Variants in GABRA3 observed in about 807,000 individuals in gnomAD.
GABRA3 encodes the protein gamma-aminobutyric acid type A receptor subunit alpha3.
A neutral mutation model predicts 30.1 loss-of-function variants in GABRA3; 10 were observed. The observed-to-expected ratio is 0.33, with a 90% CI of 0.20 to 0.56. The LOEUF (loss-of-function observed/expected upper bound fraction) is 0.56, where lower values mean the gene tolerates loss of function less well. Among genes scored for constraint, GABRA3 ranks in the 20% least tolerant of loss-of-function variants. The probability of loss-of-function intolerance (pLI) is 0.89; values close to 1 mark genes in which losing one functional copy is unlikely to be tolerated. For missense variants in GABRA3, 233 were observed against 392.0 expected (o/e 0.59, Z 3.42); for synonymous variants, 151 against 146.8 (o/e 1.03, Z -0.21).
intron 4 of GABRA3, among the ~76,000 whole-genome samples, chrX:152,280,389 A>G (rs1423709699): frequency 9.0e-6 from 1 of 111,472 alleles, no homozygotes; most frequent in Non-Finnish European, 1.9e-5. Flanking sequence ...GACTGCCAGT[A>G]AGGGAGAGTT....
chrX:152,443,078 T>C (rs1020353777), intron 1 of GABRA3, among the ~76,000 whole-genome samples: 3 of 111,534 alleles, frequency 2.7e-5, no homozygotes, highest in Non-Finnish European at 3.8e-5. Flanking sequence ...AAAATGTAAG[T>C]GGGAGAATAT....
intron 3 of GABRA3, among the ~76,000 whole-genome samples, chrX:152,321,101 G>A (rs936108421): frequency 9.0e-6 from 1 of 111,635 alleles, no homozygotes; most frequent in Non-Finnish European, 1.9e-5. Context: ...TTAAGACATG[G>A]TTGAATAAAA....
intron 1 of GABRA3, among the ~76,000 whole-genome samples, chrX:152,436,895 G>A (rs916034283): frequency 1.8e-5 from 2 of 111,171 alleles, no homozygotes; most frequent in African/African-American, 3.3e-5. Flanking sequence ...GAAAAGACAA[G>A]CCACAGAAGG....
chrX:152,175,238 C>T (rs1195020122), intron 9 of GABRA3, among the ~76,000 whole-genome samples: 1 of 105,149 alleles, frequency 9.5e-6, no homozygotes, highest in East Asian at 2.9e-4. Flanking sequence ...ACCAATCCAT[C>T]AATAGCAATG....
intron 1 of GABRA3, chrX:152,392,439 C>T: frequency 3.6e-6 from 1 of 273,978 alleles, no homozygotes; most frequent in Non-Finnish European, 7.4e-6. Flanking sequence ...ATTTTTAGTA[C>T]AATGTAGACA....
intron 2 of GABRA3, among the ~76,000 whole-genome samples, chrX:152,351,446 A>C (rs1417646769): frequency 9.0e-6 from 1 of 111,308 alleles, no homozygotes; most frequent in East Asian, 2.8e-4. Context: ...TCATGAACCA[A>C]CCTCCACTAG....
At chrX:152,251,755 T>A (rs750069637) in intron 5 of GABRA3, among the ~76,000 whole-genome samples, 2 of 111,169 alleles carry the variant, frequency 1.8e-5, no homozygotes, top group Non-Finnish European at 3.8e-5. Context: ...TATAATTTAT[T>A]ACAAGCATGC....
intron 7 of GABRA3, among the ~76,000 whole-genome samples, chrX:152,199,313 C>T (rs1353851272): frequency 1.9e-5 from 2 of 104,063 alleles, no homozygotes; most frequent in East Asian, 5.9e-4. Flanking sequence ...TGGCAGTGAG[C>T]CAAGGTCGTG....
At chrX:152,343,182 G>GA (rs1433727778) in intron 3 of GABRA3, among the ~76,000 whole-genome samples, 1 of 110,964 alleles carries the variant, frequency 9.0e-6, no homozygotes, top group Non-Finnish European at 1.9e-5. Flanking sequence ...CTTCTCAACT[G>GA]AAACAGTCCA....
intron 1 of GABRA3, among the ~76,000 whole-genome samples, chrX:152,384,420 A>G (rs1399980646): frequency 1.8e-5 from 2 of 112,191 alleles, no homozygotes; most frequent in African/African-American, 6.5e-5. Flanking sequence ...GCCAGAAGAG[A>G]TAAACAAATG....
At chrX:152,308,591 C>T (rs767288295) in intron 3 of GABRA3, among the ~76,000 whole-genome samples, 43 of 111,915 alleles carry the variant, frequency 3.8e-4, no homozygotes, top group Non-Finnish European at 5.6e-4. Context: ...TGAATCCAAC[C>T]TATAGCACAG....
chrX:152,298,381 C>A (rs1158834861), intron 3 of GABRA3, among the ~76,000 whole-genome samples: 1 of 105,704 alleles, frequency 9.5e-6, no homozygotes, highest in Non-Finnish European at 1.9e-5. Flanking sequence ...CCCCTTCCCC[C>A]ACCCCACAAC....
chrX:152,328,302 C>G (rs763104588), intron 3 of GABRA3, among the ~76,000 whole-genome samples: 3 of 111,801 alleles, frequency 2.7e-5, no homozygotes, highest in Non-Finnish European at 3.8e-5. Context: ...CCTTCTGAAA[C>G]TATTCCAATC....
At chrX:152,447,993 G>C (rs1931130277) in intron 1 of GABRA3, among the ~76,000 whole-genome samples, 1 of 112,374 alleles carries the variant, frequency 8.9e-6, no homozygotes, top group African/African-American at 3.2e-5. Context: ...TATGTCTGTA[G>C]AATCTAATAA....
rs201043139 is a variant in GABRA3, at chrX:152,167,836, T to G, written c.*392A>C. On this transcript the variant is annotated 3_prime_UTR_variant, in exon 10 of 10. Transcript: ENST00000370314. ...GTAAGTTAGAGTCATCTGATCTAGATGGGAGTCAACAATTCTCCTTGTTCT... is the reference window on the plus strand; with the variant it reads ...GTAAGTTAGAGTCATCTGATCTAGAGGGGAGTCAACAATTCTCCTTGTTCT... 1.8e-5 allele frequency: 3 copies of G among 166,049 alleles called. No homozygotes were observed. Among genetic ancestry groups the G allele is most frequent in the Non-Finnish European group, 3.4e-5 (3 of 88,477 alleles). 13.7% of individuals were successfully genotyped at this position (166,049 alleles called of 1,213,427 possible).
intron 6 of GABRA3, among the ~76,000 whole-genome samples, chrX:152,216,489 G>A (rs1321358943): frequency 9.2e-6 from 1 of 108,404 alleles, no homozygotes; most frequent in African/African-American, 3.3e-5. Context: ...CCTATTATCT[G>A]TGGCAATGTG....
chrX:152,275,200 TTA>T (rs1204488210), intron 4 of GABRA3, among the ~76,000 whole-genome samples: 5 of 48,704 alleles, frequency 1.0e-4, no homozygotes, highest in African/African-American at 4.5e-4. Context: ...TATATATAAT[TTA>T]TATATATAAT....
At chrX:152,285,930 A>AATT (rs1939284439) in intron 3 of GABRA3, among the ~76,000 whole-genome samples, 1 of 107,431 alleles carries the variant, frequency 9.3e-6, no homozygotes, top group Non-Finnish European at 1.9e-5. Flanking sequence ...CTTATATACT[A>AATT]TATAGTACTT....
intron 4 of GABRA3, among the ~76,000 whole-genome samples, chrX:152,281,079 T>A (rs1939191231): frequency 9.0e-6 from 1 of 110,703 alleles, no homozygotes; most frequent in Non-Finnish European, 1.9e-5. Flanking sequence ...GGAAGCTAGG[T>A]CAGAAGGGAA....
Sources: allele counts gnomAD v4.1 joint callset (sites outside exome capture counted in the v4.1 genomes callset), GRCh38; gene constraint gnomAD v4.1.1; transcripts MANE v1.5; gene names NCBI Gene and HGNC (gene_info 2026-07-23, HGNC 2026-07-21).